The following MMP26 variants were observed in gnomAD, a reference collection of about 807,000 sequenced individuals.
MMP26 encodes the protein matrix metalloproteinase-26.
A neutral mutation model predicts 31.0 loss-of-function variants in MMP26; 33 were observed. That is an observed-to-expected ratio of 1.06 (90% CI 0.81 to 1.42). The LOEUF is 1.42. MMP26 is among the 40% of genes most tolerant of loss of function. The probability of loss-of-function intolerance (pLI) is 0.00; values close to 1 mark genes in which losing one functional copy is unlikely to be tolerated. For synonymous variants in MMP26, 122 were observed against 114.9 expected, an observed-to-expected ratio of 1.06 and a Z score of -0.40; for missense variants, 347 against 316.1, an observed-to-expected ratio of 1.10 and a Z score of -0.74.
chr11:4,973,199 A>T (rs569730657), intron 2 of MMP26: 1 of 176,406 alleles, frequency 5.7e-6, no homozygotes, highest in Admixed American at 5.7e-5. Flanking sequence ...TCATGATGCT[A>T]TGCTCAACAC....
intron 2 of MMP26, among the ~76,000 whole-genome samples, chr11:4,853,930 CTG>C (rs1179637281): frequency 6.6e-6 from 1 of 152,102 alleles, no homozygotes; most frequent in Non-Finnish European, 1.5e-5. Context: ...AAATTCTGCA[CTG>C]TGATTTTGTG....
intron 2 of MMP26, chr11:4,803,315 C>T: frequency 1.4e-6 from 1 of 738,266 alleles, no homozygotes; most frequent in Admixed American, 3.0e-5. Flanking sequence ...TTGCTTACCT[C>T]TGAGCCAGTT....
chr11:4,721,211 G>A (rs1848007509), intron 1 of MMP26, among the ~76,000 whole-genome samples: 1 of 152,178 alleles, frequency 6.6e-6, no homozygotes, highest in Non-Finnish European at 1.5e-5. Context: ...TAAGGTGCTT[G>A]TAACGCAAGC....
rs1440695740 is a variant in MMP26 at position 4,990,740 on chromosome 11, C to A, written c.463C>A (p.Gln155Lys). Residue 155 changes from glutamine to lysine, a missense_variant, in exon 5 of 8, where the codon CAG becomes AAG. By Grantham distance (53) the Gln-to-Lys change is moderately conservative. Coordinates refer to ENST00000380390, the MANE Select transcript of MMP26 (RefSeq NM_021801.5). The stretch of plus-strand genomic sequence containing the variant: ...TGCAGACATCAAGGTTTCTTTCTGG[C>A]AGTGGGGTAAGAAATTGACATGGGA... ...GDADIKVSFWQWAHEDGWPFD... is the reference protein window; with the variant it reads ...GDADIKVSFWKWAHEDGWPFD... 1 of 1,613,946 alleles carries A rather than the reference C, an allele frequency of 6.2e-7. No individual in the cohort carries two copies. The highest frequency in any genetic ancestry group is 1.7e-5 in the Admixed American group (1 of 60,000).
intron 2 of MMP26, among the ~76,000 whole-genome samples, chr11:4,836,931 G>A (rs147226931): frequency 0.011 from 1,729 of 151,708 alleles, 28 homozygotes; most frequent in African/African-American, 0.03. Flanking sequence ...GATTACGGGC[G>A]TGAGCCACCG....
chr11:4,719,873 A>G (rs1173467536), intron 1 of MMP26, among the ~76,000 whole-genome samples: 2 of 152,246 alleles, frequency 1.3e-5, no homozygotes, highest in Non-Finnish European at 2.9e-5. Context: ...TTTTAAAAAA[A>G]TAGAAAAAGA....
intron 2 of MMP26, among the ~76,000 whole-genome samples, chr11:4,849,768 T>A (rs1011463958): frequency 6.6e-5 from 10 of 152,348 alleles, no homozygotes; most frequent in South Asian, 2.1e-4. Flanking sequence ...TTTACTTTTT[T>A]AAAAATTCTC....
chr11:4,796,243 A>G (rs547429547), intron 2 of MMP26, among the ~76,000 whole-genome samples: 45 of 152,290 alleles, frequency 3.0e-4, no homozygotes, highest in Middle Eastern at 3.4e-3. Flanking sequence ...CCACTGCTTT[A>G]AATTTCCTTT....
At chr11:4,768,440 A>T (rs141857042) in intron 2 of MMP26, among the ~76,000 whole-genome samples, 373 of 152,340 alleles carry the variant, frequency 2.4e-3, no homozygotes, top group Non-Finnish European at 4.3e-3. Flanking sequence ...AACCATGGAG[A>T]TCCAGGTCTT....
intron 2 of MMP26, chr11:4,881,812 A>G (rs1850466667): frequency 1.7e-6 from 2 of 1,162,378 alleles, no homozygotes; most frequent in Non-Finnish European, 2.5e-6. Context: ...TTAAAATTGT[A>G]TATAAAATGA....
At chr11:4,768,247 C>T (rs1428076327) in intron 2 of MMP26, among the ~76,000 whole-genome samples, 1 of 152,172 alleles carries the variant, frequency 6.6e-6, no homozygotes, top group African/African-American at 2.4e-5. Flanking sequence ...GTTCCCATTC[C>T]CTGTGATAAA....
chr11:4,781,405 G>A (rs1227257293), intron 2 of MMP26, among the ~76,000 whole-genome samples: 1 of 83,490 alleles, frequency 1.2e-5, no homozygotes, highest in African/African-American at 8.1e-5. Flanking sequence ...AAATTAGCCG[G>A]GCGCGGTGGC....
intron 2 of MMP26, chr11:4,946,797 G>A (rs189081673): frequency 2.8e-5 from 45 of 1,587,280 alleles, no homozygotes; most frequent in Non-Finnish European, 3.7e-5. Flanking sequence ...AAGAATTCCT[G>A]GGCAAAGCAG....
intron 1 of MMP26, among the ~76,000 whole-genome samples, chr11:4,748,418 G>C (rs556585790): frequency 5.9e-5 from 9 of 151,590 alleles, no homozygotes; most frequent in African/African-American, 2.2e-4. Context: ...AATCAAGGAG[G>C]GGGGAATTAC....
chr11:4,800,859 T>TAGA (rs765157996), intron 2 of MMP26, among the ~76,000 whole-genome samples: 18,924 of 152,124 alleles, frequency 0.12, 2,316 homozygotes, highest in African/African-American at 0.31. Flanking sequence ...AAGTCATCCC[T>TAGA]TTTAAGTTCA....
At chr11:4,774,409 G>A (rs1589896900) in intron 2 of MMP26, among the ~76,000 whole-genome samples, 2 of 152,168 alleles carry the variant, frequency 1.3e-5, no homozygotes, top group East Asian at 1.9e-4. Flanking sequence ...ATGTTTGTTG[G>A]CTGCATGAAT....
intron 1 of MMP26, among the ~76,000 whole-genome samples, chr11:4,738,163 G>T (rs148368497): frequency 3.9e-4 from 59 of 152,226 alleles, no homozygotes; most frequent in African/African-American, 1.4e-3. Flanking sequence ...TTTGGTATCT[G>T]TCCAAGGAGC....
chr11:4,944,137 T>C, intron 2 of MMP26: 1 of 455,620 alleles, frequency 2.2e-6, no homozygotes, highest in Non-Finnish European at 4.4e-6. Flanking sequence ...ATAGATACAG[T>C]TATGCACCTC....
rs1161053509 is a variant in MMP26 at position 4,725,004 on chromosome 11, C to T, written c.-217+19959C>T. ...GGATCACAGGGACAGTTTCTCATGG[C>T]TTAACACCATCCCTCTTGGTGCTGT... is the stretch of plus-strand genomic sequence containing the variant. On this transcript the variant is annotated intron_variant, in intron 1 of 7. Transcript: ENST00000380390. Among the ~76,000 whole-genome samples the T allele has an allele frequency of 3.3e-5, 5 of 152,202 alleles. No individual in the cohort carries two copies. In the East Asian group the frequency reaches 9.6e-4, roughly 29 times the overall value.
Sources: gnomAD v4.1 joint callset for allele counts (sites outside exome capture counted in the v4.1 genomes callset) on GRCh38, gnomAD v4.1.1 for gene constraint, MANE v1.5 for transcripts, NCBI Gene and HGNC (gene_info 2026-07-23, HGNC 2026-07-21) for gene names.